The following PAPOLG variants were observed in gnomAD, a reference collection of about 807,000 sequenced individuals.
The protein encoded by PAPOLG is poly(A) polymerase gamma.
PAPOLG carries 40 observed loss-of-function variants against 99.0 expected under a neutral mutation model. That is an observed-to-expected ratio of 0.40 (90% CI 0.31 to 0.53). The LOEUF (loss-of-function observed/expected upper bound fraction) is 0.53, where lower values mean the gene tolerates loss of function less well. Ranked by LOEUF, PAPOLG falls within the 20% of genes least tolerant of loss-of-function variation. The pLI is 0.41. For synonymous variants in PAPOLG, 310 were observed against 299.3 expected, an observed-to-expected ratio of 1.04 and a Z score of -0.37; for missense variants, 675 against 884.1, an observed-to-expected ratio of 0.76 and a Z score of 3.00.
At chr2:60,759,872 A>C (rs758372530) in intron 1 of PAPOLG, among the ~76,000 whole-genome samples, 1 of 152,202 alleles carries the variant, frequency 6.6e-6, no homozygotes, top group Non-Finnish European at 1.5e-5. Flanking sequence ...TGTTGGTACA[A>C]TTGTCTTGAT....
Position 60,787,653 on chromosome 2 carries a change from C to T in PAPOLG, c.1396+33C>T, listed in dbSNP as rs1400149323. 3 of 1,604,786 alleles carry T rather than the reference C, an allele frequency of 1.9e-6. No homozygotes were observed. In the African/African-American group the frequency reaches 4.0e-5, roughly 22 times the overall value. Reference sequence around the variant, plus strand: ...TCCATCATCATAGAGCTGTGATTCTCAAACCTGGCTATTACTCAGTGTCAT... The same window carrying T: ...TCCATCATCATAGAGCTGTGATTCTTAAACCTGGCTATTACTCAGTGTCAT... On this transcript the variant is annotated intron_variant, in intron 15 of 21. Coordinates refer to ENST00000238714, the MANE Select transcript of PAPOLG (RefSeq NM_022894.4).
intron 8 of PAPOLG, among the ~76,000 whole-genome samples, chr2:60,775,721 T>C (rs1000070533): frequency 2.0e-5 from 3 of 152,120 alleles, no homozygotes; most frequent in African/African-American, 7.2e-5. Context: ...TTTTTTTGTT[T>C]CCCAGTGCAT....
chr2:60,782,659 T>C, intron 11 of PAPOLG, 27 bp from the exon 12 acceptor site: 4 of 1,329,368 alleles, frequency 3.0e-6, no homozygotes, highest in Non-Finnish European at 3.9e-6. Flanking sequence ...TCTTCTTTTT[T>C]TTTTTTTTTT....
At chr2:60,765,924 G>T (rs1006832716) in intron 3 of PAPOLG, among the ~76,000 whole-genome samples, 18 of 151,946 alleles carry the variant, frequency 1.2e-4, no homozygotes, top group Admixed American at 3.3e-4. Context: ...GGCCAGCCTG[G>T]GCAACATAAC....
At chr2:60,782,653 C>CT (rs747526129) in intron 11 of PAPOLG, 33 bp from the exon 12 acceptor site, 69,871 of 1,049,180 alleles carry the variant, frequency 0.067, 541 homozygotes, top group African/African-American at 0.11. Flanking sequence ...CATTCTTCTT[C>CT]TTTTTTTTTT....
intron 13 of PAPOLG, among the ~76,000 whole-genome samples, chr2:60,784,437 G>A (rs567930933): frequency 2.2e-3 from 340 of 152,284 alleles, no homozygotes; most frequent in African/African-American, 7.7e-3. Flanking sequence ...TCTTTCTAGT[G>A]CATCTAAATT....
chr2:60,793,030 C>CT (rs1671586998), intron 17 of PAPOLG, among the ~76,000 whole-genome samples: 1 of 151,690 alleles, frequency 6.6e-6, no homozygotes, highest in Admixed American at 6.6e-5. Flanking sequence ...GAGCGAGACT[C>CT]TGTCTCAAAA....
At position 60,775,008 on chromosome 2, in the gene PAPOLG, A is replaced by G. The variant is rs778633473; in HGVS notation, c.605-26A>G. ...TTAACTGAGAATTTGCTGCATAGTG[A>G]AAAATGAATGCTTTGTCTTTTTCAG... On this transcript the variant is annotated intron_variant, in intron 7 of 21. Coordinates refer to ENST00000238714, the MANE Select transcript of PAPOLG (RefSeq NM_022894.4). The G allele has an allele frequency of 2.0e-5, 32 of 1,611,332 alleles. No homozygotes were observed. In the Middle Eastern group the frequency reaches 9.9e-4, roughly 50 times the overall value.
chr2:60,763,928 G>C (rs555796827), intron 3 of PAPOLG, among the ~76,000 whole-genome samples: 1 of 150,630 alleles, frequency 6.6e-6, no homozygotes, highest in Non-Finnish European at 1.5e-5. Context: ...TCAGCCTCCC[G>C]AGTAGCTGGG....
In PAPOLG at chr2:60,800,455, T is replaced by A. The variant is rs1358642087; in HGVS notation, c.*3295T>A. The A allele has an allele frequency of 2.0e-5, 3 of 152,368 alleles. No homozygotes were observed. The East Asian group carries it at 5.6e-4, about 29-fold the overall frequency. The allele number at this position is 152,368 out of a possible 1,614,324, so 9.4% of individuals were successfully genotyped here. A position where few individuals can be genotyped will look rare whatever the true frequency, so the allele number is the denominator to read the frequency against. On this transcript the variant is annotated 3_prime_UTR_variant, in exon 22 of 22. Transcript: ENST00000238714. ...GCTTCGGCCACCCTAAGTGCTGGGATTACAGGCATAAGCTACTGTGCCCAG... is the reference window on the plus strand; with the variant it reads ...GCTTCGGCCACCCTAAGTGCTGGGAATACAGGCATAAGCTACTGTGCCCAG...
rs754158957 is a variant in PAPOLG at position 60,797,182 on chromosome 2, G to C, written c.*22G>C. 61 of 1,612,664 alleles carry C rather than the reference G, an allele frequency of 3.8e-5. No homozygotes were observed. The highest frequency in any genetic ancestry group is 5.0e-5 in the Non-Finnish European group (59 of 1,178,986). On this transcript the variant is annotated 3_prime_UTR_variant, in exon 22 of 22. Transcript: ENST00000238714. Reference sequence around the variant, plus strand: ...GTAAAAGCAGTGCCTCCTCACTTAAGTGAACAAGCAATCATTTAGTGGCAT... The same window carrying C: ...GTAAAAGCAGTGCCTCCTCACTTAACTGAACAAGCAATCATTTAGTGGCAT...
intron 13 of PAPOLG, among the ~76,000 whole-genome samples, chr2:60,784,780 G>A (rs1209664278): frequency 6.6e-6 from 1 of 152,156 alleles, no homozygotes; most frequent in Admixed American, 6.5e-5. Flanking sequence ...GGCTGCTTCT[G>A]TGCTTCATAG....
chr2:60,766,423 G>A (rs1230431473), intron 3 of PAPOLG, among the ~76,000 whole-genome samples: 1 of 152,114 alleles, frequency 6.6e-6, no homozygotes, highest in Non-Finnish European at 1.5e-5. Context: ...CAGCACTTTG[G>A]GAGGCTGAGA....
In PAPOLG at chr2:60,783,161, A is replaced by T. The variant is rs1671243651; in HGVS notation, c.1118A>T (p.Tyr373Phe). The T allele has an allele frequency of 6.3e-7, 1 of 1,585,386 alleles. No homozygotes were observed. The change falls in exon 13 of 22, where the codon TAT becomes TTT. Residue 373 changes from tyrosine to phenylalanine, a missense_variant. Physicochemically the swap from Tyr to Phe is conservative, Grantham distance 22. Around this residue, in one of 3 missense-constraint regions of PAPOLG, gnomAD observed 413 missense variants for 460.5 expected, o/e 0.90. Transcript: ENST00000238714. ...PPNFFQKYRH[Y>F]IVLTASASTE... ...TGTTGCTGAAAATTCTTCAGACATT[A>T]TATAGTATTGACTGCCAGCGCATCA...
In PAPOLG at chr2:60,782,776, T is replaced by C; in HGVS notation, c.1112+6T>C. ...AATTTCTTTCAAAAGTATAGGTACG[T>C]GAAATTTTGTATTTTGTATGTATGT... On this transcript the variant is annotated splice_donor_region_variant and intron_variant, in intron 12 of 21. Coordinates refer to ENST00000238714, the MANE Select transcript of PAPOLG (RefSeq NM_022894.4). 1 of 1,549,984 alleles carries C rather than the reference T, an allele frequency of 6.5e-7. No individual in the cohort carries two copies. Among genetic ancestry groups the C allele is most frequent in the Non-Finnish European group, 8.6e-7 (1 of 1,157,660 alleles).
intron 2 of PAPOLG, among the ~76,000 whole-genome samples, chr2:60,760,829 A>G (rs1670501808): frequency 6.6e-6 from 1 of 152,192 alleles, no homozygotes; most frequent in Non-Finnish European, 1.5e-5. Context: ...ATGAGAAGCT[A>G]TTAGGGTTTT....
chr2:60,792,472 T>C (rs1432655084), intron 17 of PAPOLG, among the ~76,000 whole-genome samples, 183 bp downstream of exon 17: 1 of 152,228 alleles, frequency 6.6e-6, no homozygotes, highest in African/African-American at 2.4e-5. Flanking sequence ...CGGTATAGGC[T>C]TATGAGCATA....
intron 3 of PAPOLG, among the ~76,000 whole-genome samples, chr2:60,768,101 A>ATT (rs1163440325): frequency 2.7e-5 from 4 of 149,250 alleles, no homozygotes; most frequent in African/African-American, 9.8e-5. Flanking sequence ...CATTATGGTG[A>ATT]TTTTTTTTTT....
At chr2:60,785,767 C>G (rs573044016) in intron 13 of PAPOLG, among the ~76,000 whole-genome samples, 28 of 150,942 alleles carry the variant, frequency 1.9e-4, no homozygotes, top group Non-Finnish European at 3.7e-4. Context: ...CCTGGCTTCA[C>G]GTGATCCTCC....
Sources: gnomAD v4.1 joint callset for allele counts (sites outside exome capture counted in the v4.1 genomes callset) on GRCh38, gnomAD v4.1.1 for gene constraint, gnomAD v4.1.1 regional missense constraint, MANE v1.5 for transcripts, NCBI Gene and HGNC (gene_info 2026-07-23, HGNC 2026-07-21) for gene names.